The following BLM variants were observed in gnomAD, a reference collection of about 807,000 sequenced individuals.
BLM encodes recQ-like DNA helicase BLM.
BLM carries 95 observed loss-of-function variants against 135.3 expected under a neutral mutation model. That is an observed-to-expected ratio of 0.70 (90% CI 0.59 to 0.83). The LOEUF is 0.83. Among genes scored for constraint, BLM ranks in the 40% least tolerant of loss-of-function variants. BLM has a pLI of 0.00. For synonymous variants in BLM, 520 were observed against 589.2 expected (o/e 0.88, Z 1.70); for missense variants, 1,518 against 1,663.9 (o/e 0.91, Z 1.53).
chr15:90,793,959 C>A (rs142558553), intron 15 of BLM: 19 of 317,164 alleles, frequency 6.0e-5, no homozygotes, highest in South Asian at 2.0e-4. Context: ...AAAAAAAAAA[C>A]CTAACATTTA....
intron 12 of BLM, among the ~76,000 whole-genome samples, chr15:90,780,131 C>T (rs1171472744): frequency 6.7e-6 from 1 of 148,752 alleles, no homozygotes; most frequent in Non-Finnish European, 1.5e-5. Context: ...TTCGCCCAGG[C>T]TGGAGTGCAG....
At chr15:90,762,542 T>A in intron 7 of BLM, 3 of 198,870 alleles carry the variant, frequency 1.5e-5, no homozygotes, top group Non-Finnish European at 2.1e-5. Context: ...ACGGGTCATG[T>A]TTAAGATCAT....
In BLM at chr15:90,785,089, T is replaced by C. The variant is rs767928947; in HGVS notation, c.2823+8T>C. The C allele has an allele frequency of 2.5e-6, 4 of 1,613,472 alleles. No homozygotes were observed. In the South Asian group the frequency reaches 4.4e-5, roughly 18 times the overall value. ...AATCAGGATGGCTGTCAGGTAACAT[T>C]TTTAAAGATAAACAAATAATAGAAA... On this transcript the variant is annotated splice_region_variant and intron_variant, in intron 14 of 21. Transcript: ENST00000355112.
chr15:90,773,095 C>CAAAAAAAAAAA (rs780966709), intron 12 of BLM, among the ~76,000 whole-genome samples: 2 of 43,436 alleles, frequency 4.6e-5, no homozygotes, highest in African/African-American at 9.6e-5. Flanking sequence ...GAGACTGTCT[C>CAAAAAAAAAAA]AAAAAAAAAA....
chr15:90,815,184 C>A lies in BLM; in HGVS notation c.4159C>A (p.Gln1387Lys), dbSNP rs879087285. The A allele has an allele frequency of 6.2e-7, 1 of 1,614,204 alleles. No homozygotes were observed. Residue 1387 changes from glutamine to lysine, a missense_variant, in exon 22 of 22, where the codon CAA (glutamine) becomes AAA (lysine). Around this residue, in one of 5 missense-constraint regions of BLM, gnomAD observed 153 missense variants for 173.4 expected, o/e 0.88. Coordinates refer to ENST00000355112, the MANE Select transcript of BLM (RefSeq NM_000057.4). The surrounding 1 kb of genome is among the most constrained non-coding windows in gnomAD (Gnocchi z 4.6). ...ATCCAGTTCAGCCTCACATACTTCT[C>A]AAGCGACATCAGGAGCCAATAGCAA... ...IGSSSASHTS[Q>K]ATSGANSKLG...
chr15:90,782,247 G>A (rs946194275), intron 12 of BLM, among the ~76,000 whole-genome samples: 1 of 152,042 alleles, frequency 6.6e-6, no homozygotes, highest in Non-Finnish European at 1.5e-5. Context: ...AATTAGCTGG[G>A]CGCGATGGTG....
intron 10 of BLM, among the ~76,000 whole-genome samples, chr15:90,767,768 G>A (rs1460163759): frequency 6.6e-6 from 1 of 152,136 alleles, no homozygotes; most frequent in Non-Finnish European, 1.5e-5. Context: ...ATATCCTGTT[G>A]TGGGATGCTT....
At chr15:90,719,077 C>T (rs1295061477) in intron 1 of BLM, among the ~76,000 whole-genome samples, 2 of 152,054 alleles carry the variant, frequency 1.3e-5, no homozygotes, top group Non-Finnish European at 2.9e-5. Context: ...CTGCAAGCTC[C>T]GCCTCCCGGG....
intron 15 of BLM, among the ~76,000 whole-genome samples, chr15:90,792,797 A>G (rs1896937857): frequency 6.6e-6 from 1 of 152,162 alleles, no homozygotes; most frequent in Admixed American, 6.5e-5. Flanking sequence ...ATGCAGAACT[A>G]GTAAATGGTA....
At position 90,745,094 on chromosome 15, in the gene BLM, C is replaced by G. The variant is rs74251776; in HGVS notation, c.-4-2295C>G. Among the ~76,000 whole-genome samples the G allele has an allele frequency of 4.8e-3, 730 of 152,048 alleles. 12 individuals carry two copies. Among genetic ancestry groups the G allele is most frequent in the East Asian group, 0.026 (134 of 5,150 alleles). On this transcript the variant is annotated intron_variant, in intron 1 of 21. Coordinates refer to ENST00000355112, the MANE Select transcript of BLM (RefSeq NM_000057.4). Reference sequence around the variant, plus strand: ...GGGATGCTTGACGAAATGGCCGATTCCAAATCTGGTGCAAAAAAATGCATA... The same window carrying G: ...GGGATGCTTGACGAAATGGCCGATTGCAAATCTGGTGCAAAAAAATGCATA...
chr15:90,745,432 C>T (rs1282266414), intron 1 of BLM, among the ~76,000 whole-genome samples: 2 of 151,940 alleles, frequency 1.3e-5, no homozygotes, highest in Admixed American at 6.6e-5. Context: ...TTTTTTGAAA[C>T]AGGGTCTTGC....
At chr15:90,811,020 T>C (rs1358878098) in intron 20 of BLM, among the ~76,000 whole-genome samples, 185 bp from the exon 21 acceptor site, 1 of 152,212 alleles carries the variant, frequency 6.6e-6, no homozygotes, top group Non-Finnish European at 1.5e-5. Flanking sequence ...GAATTGCCAT[T>C]GAACACTTTG....
intron 19 of BLM, among the ~76,000 whole-genome samples, chr15:90,804,908 C>T (rs1213824961): frequency 6.6e-6 from 1 of 152,194 alleles, no homozygotes; most frequent in East Asian, 1.9e-4. Flanking sequence ...GCGATCTCAG[C>T]TCATCACAAC....
intron 1 of BLM, among the ~76,000 whole-genome samples, chr15:90,720,634 CT>C (rs199919614): frequency 6.9e-6 from 1 of 145,082 alleles, no homozygotes. Context: ...TTTTTCTTTT[CT>C]TTTTTTTTGA....
At chr15:90,740,730 G>A (rs1223519518) in intron 1 of BLM, among the ~76,000 whole-genome samples, 1 of 152,136 alleles carries the variant, frequency 6.6e-6, no homozygotes, top group Non-Finnish European at 1.5e-5. Flanking sequence ...TGAATCATGG[G>A]TTTTTCCCAT....
At chr15:90,757,808 T>C (rs1387992747) in intron 5 of BLM, among the ~76,000 whole-genome samples, 1 of 152,174 alleles carries the variant, frequency 6.6e-6, no homozygotes, top group Non-Finnish European at 1.5e-5. Flanking sequence ...CTAAACTGTT[T>C]TTTACTCTCA....
intron 16 of BLM, among the ~76,000 whole-genome samples, chr15:90,796,969 C>T (rs1253397595): frequency 1.3e-5 from 2 of 152,016 alleles, no homozygotes; most frequent in Non-Finnish European, 2.9e-5. Context: ...ATGTGGTGGT[C>T]TGAGAATGGA....
intron 8 of BLM, among the ~76,000 whole-genome samples, 192 bp downstream of exon 8, chr15:90,763,349 G>A (rs749800415): frequency 9.2e-5 from 14 of 152,066 alleles, no homozygotes; most frequent in Non-Finnish European, 1.9e-4. Flanking sequence ...GAAGTTTATA[G>A]CCCTGTAAGA....
At chr15:90,744,863 A>G (rs1596213468) in intron 1 of BLM, among the ~76,000 whole-genome samples, 1 of 152,120 alleles carries the variant, frequency 6.6e-6, no homozygotes, top group Admixed American at 6.5e-5. Flanking sequence ...CAGCCTGGGA[A>G]ACATGGTGAA....
Sources: gnomAD v4.1 joint callset for allele counts (sites outside exome capture counted in the v4.1 genomes callset) on GRCh38, gnomAD v4.1.1 for gene constraint, gnomAD v4.1.1 regional missense constraint, Gnocchi (gnomAD v3.1) non-coding constraint, MANE v1.5 for transcripts, NCBI Gene and HGNC (gene_info 2026-07-23, HGNC 2026-07-21) for gene names.